The following TMEM201 variants were observed in gnomAD, a reference collection of about 807,000 sequenced individuals.
The protein encoded by TMEM201 is RP13-15M17.2.
TMEM201 carries 26 observed loss-of-function variants against 63.4 expected under a neutral mutation model. The observed-to-expected ratio is 0.41, with a 90% CI of 0.30 to 0.57. The LOEUF is 0.57. TMEM201 is among the 20% of genes least tolerant of loss of function. The probability of loss-of-function intolerance (pLI) is 0.29; values close to 1 mark genes in which losing one functional copy is unlikely to be tolerated. For synonymous variants in TMEM201, 417 were observed against 421.6 expected (o/e 0.99, Z 0.14); for missense variants, 794 against 917.7 (o/e 0.87, Z 1.74).
chr1:9,610,501 TC>T lies in TMEM201; in HGVS notation c.1466-3del, dbSNP rs1184444945. Reference sequence around the variant, plus strand: ...CGTTCACATCATCTTCCTCCCTCCCTCCAGATTACTTCTCTCTTCTGTCGGG... The same window carrying T: ...CGTTCACATCATCTTCCTCCCTCCCTCAGATTACTTCTCTCTTCTGTCGGG... On this transcript the variant is annotated splice_region_variant and splice_polypyrimidine_tract_variant and intron_variant, in intron 8 of 10. Coordinates refer to ENST00000340381, the MANE Select transcript of TMEM201 (RefSeq NM_001130924.3). The surrounding 1 kb of genome is among the most constrained non-coding windows in gnomAD (Gnocchi z 4.9). 1 of 1,518,954 alleles carries T rather than the reference TC, an allele frequency of 6.6e-7. No homozygotes were observed. Among genetic ancestry groups the T allele is most frequent in the East Asian group, 2.5e-5 (1 of 40,290 alleles). The allele number at this position is 1,518,954 out of a possible 1,614,324, so 94.1% of individuals were successfully genotyped here.
chr1:9,601,480 T>C, intron 5 of TMEM201, 26 bp downstream of exon 5: 1 of 1,556,566 alleles, frequency 6.4e-7, no homozygotes, highest in Non-Finnish European at 8.7e-7. Context: ...GGGCCAGGAG[T>C]TGGCGGGCAG....
chr1:9,595,009 T>TGGGGGAGA (rs151030555), intron 1 of TMEM201, among the ~76,000 whole-genome samples: 3,572 of 152,244 alleles, frequency 0.023, 136 homozygotes, highest in African/African-American at 0.079. Context: ...AGGTGGCCCC[T>TGGGGGAGA]GGGGGAGAGG....
Position 9,607,864 on chromosome 1 carries a change from T to C in TMEM201, c.1393+75T>C, listed in dbSNP as rs1477057416. ...GACAGAACTGTGGATGGGTACATAGTGTAGGGAGGGCCGGGAGTGGTTAGT... is the reference window on the plus strand; with the variant it reads ...GACAGAACTGTGGATGGGTACATAGCGTAGGGAGGGCCGGGAGTGGTTAGT... On this transcript the variant is annotated intron_variant, in intron 7 of 10. Transcript: ENST00000340381. This position sits in a 1 kb window ranked among gnomAD's most constrained non-coding sequence, Gnocchi z 5.4. 4.3e-6 allele frequency: 6 copies of C among 1,384,398 alleles called. No homozygotes were observed. The highest frequency in any genetic ancestry group is 5.9e-6 in the Non-Finnish European group (6 of 1,015,826). 85.8% of individuals were successfully genotyped at this position (1,384,398 alleles called of 1,614,324 possible). A position where few individuals can be genotyped will look rare whatever the true frequency, so the allele number is the denominator to read the frequency against.
rs1169558612 is a variant in TMEM201, at chr1:9,607,842, A to G, written c.1393+53A>G. The G allele has an allele frequency of 2.0e-6, 3 of 1,502,452 alleles. No individual in the cohort carries two copies. In the Admixed American group the frequency reaches 6.0e-5, roughly 30 times the overall value. The allele number at this position is 1,502,452 out of a possible 1,614,324, so 93.1% of individuals were successfully genotyped here. A position where few individuals can be genotyped will look rare whatever the true frequency, so the allele number is the denominator to read the frequency against. On this transcript the variant is annotated intron_variant, in intron 7 of 10. Coordinates refer to ENST00000340381, the MANE Select transcript of TMEM201 (RefSeq NM_001130924.3). The surrounding 1 kb of genome is among the most constrained non-coding windows in gnomAD (Gnocchi z 5.4). The stretch of plus-strand genomic sequence containing the variant: ...AGTCAGGGCTAGGGGCAGCTGGGAC[A>G]GAACTGTGGATGGGTACATAGTGTA...
At chr1:9,596,357 T>G (rs755086855) in intron 2 of TMEM201, among the ~76,000 whole-genome samples, 1 of 152,258 alleles carries the variant, frequency 6.6e-6, no homozygotes, top group Non-Finnish European at 1.5e-5. Flanking sequence ...GCAAACCTTT[T>G]CTGCAAAGGG....
At chr1:9,601,553 C>A in intron 5 of TMEM201, 99 bp downstream of exon 5, 1 of 1,118,074 alleles carries the variant, frequency 8.9e-7, no homozygotes, top group Non-Finnish European at 1.2e-6. Context: ...GTGCACAGCC[C>A]TAGGCTGAAC....
At chr1:9,592,617 G>T (rs1057009319) in intron 1 of TMEM201, among the ~76,000 whole-genome samples, 3 of 110,926 alleles carry the variant, frequency 2.7e-5, no homozygotes, top group Admixed American at 1.9e-4. Flanking sequence ...GAGGCATCCC[G>T]CAGGAGCTTT....
intron 1 of TMEM201, among the ~76,000 whole-genome samples, chr1:9,591,441 G>A (rs1021922479): frequency 3.9e-5 from 6 of 152,234 alleles, no homozygotes; most frequent in South Asian, 2.1e-4. Context: ...CACCACGGTC[G>A]GCACAGTTGG....
chr1:9,590,003 C>G (rs1643893333), intron 1 of TMEM201, among the ~76,000 whole-genome samples: 1 of 152,182 alleles, frequency 6.6e-6, no homozygotes, highest in South Asian at 2.1e-4. Context: ...TTAACACATA[C>G]CGGTGCTGCT....
Position 9,607,718 on chromosome 1 carries a change from C to G in TMEM201, c.1322C>G (p.Ser441Ter). 6.4e-7 allele frequency: 1 copy of G among 1,551,880 alleles called. No individual in the cohort carries two copies. The highest frequency in any genetic ancestry group is 8.7e-7 in the Non-Finnish European group (1 of 1,147,082). The change falls in exon 7 of 11, where the codon TCA (serine) becomes TGA (stop). Residue 441 changes from serine (S) to a stop codon, truncating the protein, a stop_gained. Transcript: ENST00000340381. LOFTEE classifies it high-confidence loss of function. The surrounding 1 kb of genome is among the most constrained non-coding windows in gnomAD (Gnocchi z 5.4). ...QQLFRSPRRT[S>*]PSSLPGRLSR... ...CTCTTCCGGTCTCCTCGACGGACCTCACCCTCCTCATTGCCTGGCCGCCTC... is the reference window on the plus strand; with the variant it reads ...CTCTTCCGGTCTCCTCGACGGACCTGACCCTCCTCATTGCCTGGCCGCCTC...
rs183423691 is a variant in TMEM201, at chr1:9,605,891, C to T, written c.1161-1666C>T. 9.2e-5 allele frequency among the ~76,000 whole-genome samples: 14 copies of T among 152,318 alleles called. No homozygotes were observed. Among genetic ancestry groups the T allele is most frequent in the Admixed American group, 8.5e-4 (13 of 15,304 alleles). On this transcript the variant is annotated intron_variant, in intron 6 of 10. Transcript: ENST00000340381. This position sits in a 1 kb window ranked among gnomAD's most constrained non-coding sequence, Gnocchi z 5.7. Reference sequence around the variant, plus strand: ...CCTCATACCCACAGCCCACTAGGACCCTCCTTTCACACATCCCCCAACGGT... The same window carrying T: ...CCTCATACCCACAGCCCACTAGGACTCTCCTTTCACACATCCCCCAACGGT...
chr1:9,600,992 C>T (rs1644127574), intron 4 of TMEM201, 113 bp from the exon 5 acceptor site: 2 of 939,324 alleles, frequency 2.1e-6, no homozygotes, highest in Admixed American at 5.3e-5. Context: ...GAACCAAGCC[C>T]AGGATGTGTG....
chr1:9,594,989 C>T (rs572311598), intron 1 of TMEM201, among the ~76,000 whole-genome samples: 1 of 152,220 alleles, frequency 6.6e-6, no homozygotes, highest in South Asian at 2.1e-4. Context: ...AAGCGGTGTC[C>T]TCGAGCTGGA....
In TMEM201 at chr1:9,604,624, G is replaced by A. The variant is rs140192849; in HGVS notation, c.1160+2352G>A. On this transcript the variant is annotated intron_variant, in intron 6 of 10. Coordinates refer to ENST00000340381, the MANE Select transcript of TMEM201 (RefSeq NM_001130924.3). This position sits in a 1 kb window ranked among gnomAD's most constrained non-coding sequence, Gnocchi z 4.1. The stretch of plus-strand genomic sequence containing the variant: ...GGGGTCATCCTAGGTATGGGTGACC[G>A]TCCCTGAGACATAAGCGAGGTAGAT... 401 of 985,612 alleles carry A rather than the reference G, an allele frequency of 4.1e-4. 3 individuals carry two copies. In the African/African-American group the frequency reaches 6.2e-3, roughly 15 times the overall value. 61.1% of individuals were successfully genotyped at this position (985,612 alleles called of 1,614,324 possible).
chr1:9,590,894 C>G (rs1231582573), intron 1 of TMEM201, among the ~76,000 whole-genome samples: 1 of 152,236 alleles, frequency 6.6e-6, no homozygotes, highest in African/African-American at 2.4e-5. Context: ...CAAGCATTGA[C>G]TCTGGCTGCA....
At position 9,601,467 on chromosome 1, in the gene TMEM201, C is replaced by G; in HGVS notation, c.956+13C>G. The G allele has an allele frequency of 1.3e-6, 2 of 1,569,126 alleles. No homozygotes were observed. Among genetic ancestry groups the G allele is most frequent in the South Asian group, 2.3e-5 (2 of 86,856 alleles). On this transcript the variant is annotated intron_variant, in intron 5 of 10. Transcript: ENST00000340381. ...CTGGCCGCATCAGGTGTGCATGGGG[C>G]CAGGGCCAGGAGTTGGCGGGCAGGG...
Position 9,601,428 on chromosome 1 carries a change from G to A in TMEM201, c.930G>A (p.Leu310=), listed in dbSNP as rs756827850. ...VVALGLLTCL[L]AMLLAGRIRL... ...CACTGGGCCTACTCACCTGCCTGCTGGCAATGCTGCTGGCTGGCCGCATCA... is the reference window on the plus strand; with the variant it reads ...CACTGGGCCTACTCACCTGCCTGCTAGCAATGCTGCTGGCTGGCCGCATCA... Residue 310 remains leucine (L), a synonymous_variant, in exon 5 of 11, where the codon CTG becomes CTA. Coordinates refer to ENST00000340381, the MANE Select transcript of TMEM201 (RefSeq NM_001130924.3). 1.3e-5 allele frequency: 20 copies of A among 1,592,514 alleles called. No homozygotes were observed. Among genetic ancestry groups the A allele is most frequent in the Non-Finnish European group, 1.6e-5 (19 of 1,173,804 alleles).
intron 1 of TMEM201, among the ~76,000 whole-genome samples, chr1:9,593,399 CT>C (rs1026931207): frequency 1.3e-5 from 2 of 152,194 alleles, no homozygotes; most frequent in African/African-American, 4.8e-5. Flanking sequence ...AGAGGACCCC[CT>C]GGCAGGTAGG....
At position 9,613,480 on chromosome 1, in the gene TMEM201, G is replaced by T; in HGVS notation, c.*397G>T. ...CTGCCTTCTGGCCCCACGCCCACAG[G>T]CGTAGTCACATCTTTGTACTGTACT... On this transcript the variant is annotated 3_prime_UTR_variant, in exon 11 of 11. Coordinates refer to ENST00000340381, the MANE Select transcript of TMEM201 (RefSeq NM_001130924.3). The T allele has an allele frequency of 3.8e-6, 1 of 264,164 alleles. No homozygotes were observed. The allele number at this position is 264,164 out of a possible 1,614,324, so 16.4% of individuals were successfully genotyped here.
Sources: gnomAD v4.1 joint callset for allele counts (sites outside exome capture counted in the v4.1 genomes callset) on GRCh38, gnomAD v4.1.1 for gene constraint, Gnocchi (gnomAD v3.1) non-coding constraint, MANE v1.5 for transcripts, NCBI Gene and HGNC (gene_info 2026-07-23, HGNC 2026-07-21) for gene names.